Variants in OCA2 observed in about 807,000 individuals in gnomAD.
The protein encoded by OCA2 is P protein.
OCA2 carries 77 observed loss-of-function variants against 100.2 expected under a neutral mutation model. That is an observed-to-expected ratio of 0.77 (90% CI 0.64 to 0.93). The LOEUF (loss-of-function observed/expected upper bound fraction) is 0.93, where lower values mean the gene tolerates loss of function less well. Ranked by LOEUF, OCA2 falls within the 40% of genes least tolerant of loss-of-function variation. The pLI is 0.00. For missense variants in OCA2, 1,062 were observed against 1,089.1 expected, an observed-to-expected ratio of 0.98 and a Z score of 0.35; for synonymous variants, 432 against 439.2, an observed-to-expected ratio of 0.98 and a Z score of 0.21.
intron 2 of OCA2, among the ~76,000 whole-genome samples, chr15:28,075,314 A>AC (rs2044396735): frequency 6.6e-6 from 1 of 152,226 alleles, no homozygotes; most frequent in African/African-American, 2.4e-5. Context: ...TGAATCACAA[A>AC]CCCCATAATA....
intron 23 of OCA2, among the ~76,000 whole-genome samples, chr15:27,795,949 G>C (rs970231117): frequency 2.6e-5 from 4 of 152,172 alleles, no homozygotes; most frequent in African/African-American, 9.7e-5. Flanking sequence ...ACTTGAATTT[G>C]CCTATTTAAG....
intron 23 of OCA2, among the ~76,000 whole-genome samples, chr15:27,844,578 C>T (rs2035463022): frequency 6.6e-6 from 1 of 152,072 alleles, no homozygotes; most frequent in South Asian, 2.1e-4. Context: ...GGTGCAATCT[C>T]AGCTCCACCT....
chr15:27,735,951 A>G, the OCA2 span, among the ~76,000 whole-genome samples: 1 of 152,206 alleles, frequency 6.6e-6, no homozygotes, highest in African/African-American at 2.4e-5. Flanking sequence ...CTGAAAGTAT[A>G]AAACTCACTG....
intron 1 of OCA2, among the ~76,000 whole-genome samples, chr15:28,087,515 G>A (rs1049082448): frequency 1.3e-5 from 2 of 152,268 alleles, no homozygotes; most frequent in East Asian, 3.9e-4. Context: ...GGAAGCCAAG[G>A]CAGGCAGATT....
intron 21 of OCA2, among the ~76,000 whole-genome samples, chr15:27,855,771 T>C (rs2035926066): frequency 6.6e-6 from 1 of 152,212 alleles, no homozygotes; most frequent in African/African-American, 2.4e-5. Context: ...CTCATAGAGC[T>C]TGCTTTACAG....
At chr15:28,019,541 CTG>C (rs2141270988) in intron 6 of OCA2, among the ~76,000 whole-genome samples, 1 of 152,270 alleles carries the variant, frequency 6.6e-6, no homozygotes, top group African/African-American at 2.4e-5. Flanking sequence ...GCGGGAGACA[CTG>C]AGGTTCCGAA....
At chr15:27,933,164 A>G (rs2140430683) in intron 18 of OCA2, among the ~76,000 whole-genome samples, 1 of 152,344 alleles carries the variant, frequency 6.6e-6, no homozygotes, top group African/African-American at 2.4e-5. Context: ...CACCATATAC[A>G]GAAACTAATT....
chr15:27,829,612 A>C (rs1409857225), intron 23 of OCA2, among the ~76,000 whole-genome samples: 2 of 152,168 alleles, frequency 1.3e-5, no homozygotes, highest in African/African-American at 4.8e-5. Context: ...GTAGGATGGG[A>C]GGTGTGAGCT....
intron 9 of OCA2, among the ~76,000 whole-genome samples, chr15:28,007,570 G>T (rs1262035494): frequency 6.6e-6 from 1 of 151,850 alleles, no homozygotes; most frequent in East Asian, 1.9e-4. Context: ...CTCTACTAAA[G>T]ATACAAAAAA....
chr15:27,799,911 AGAG>A (rs2033522680), intron 23 of OCA2, among the ~76,000 whole-genome samples: 1 of 152,166 alleles, frequency 6.6e-6, no homozygotes, highest in South Asian at 2.1e-4. Flanking sequence ...GGAGTGATGA[AGAG>A]GAGAATTATA....
intron 19 of OCA2, among the ~76,000 whole-genome samples, chr15:27,920,960 G>C (rs950928627): frequency 6.6e-6 from 1 of 151,964 alleles, no homozygotes; most frequent in Non-Finnish European, 1.5e-5. Context: ...AAACCAACAT[G>C]TCTGTAATAG....
At chr15:28,095,446 G>C (rs1203838339) in intron 1 of OCA2, among the ~76,000 whole-genome samples, 1 of 152,244 alleles carries the variant, frequency 6.6e-6, no homozygotes, top group Non-Finnish European at 1.5e-5. Context: ...GCCGGGCGCG[G>C]TGGCTCACAC....
chr15:27,827,805 T>C (rs936847836), intron 23 of OCA2, among the ~76,000 whole-genome samples: 6 of 152,164 alleles, frequency 3.9e-5, no homozygotes, highest in African/African-American at 1.4e-4. Context: ...GAAAGTAAAT[T>C]ATCTTTAAAA....
chr15:27,986,281 T>C (rs2041349190), intron 12 of OCA2, among the ~76,000 whole-genome samples: 1 of 152,232 alleles, frequency 6.6e-6, no homozygotes, highest in Non-Finnish European at 1.5e-5. Context: ...TGGGATACTC[T>C]AATATGTAAA....
At chr15:27,989,008 C>A (rs999662985) in intron 11 of OCA2, among the ~76,000 whole-genome samples, 2 of 152,180 alleles carry the variant, frequency 1.3e-5, no homozygotes, top group African/African-American at 4.8e-5. Flanking sequence ...AGCCCTCCTG[C>A]AGACCACTGG....
intron 19 of OCA2, among the ~76,000 whole-genome samples, chr15:27,887,618 T>TTC (rs1491145295): frequency 2.4e-5 from 1 of 41,572 alleles, no homozygotes; most frequent in African/African-American, 5.4e-5. Context: ...ACTAAACCTC[T>TTC]TTTTTTTTTT....
chr15:28,037,715 ATAT>A (rs2043084684), intron 2 of OCA2, among the ~76,000 whole-genome samples: 2 of 152,172 alleles, frequency 1.3e-5, no homozygotes, highest in Admixed American at 6.5e-5. Flanking sequence ...AAGGTAGATA[ATAT>A]TATCCTCATT....
At chr15:27,996,170 A>C (rs1255013247) in intron 9 of OCA2, among the ~76,000 whole-genome samples, 1 of 152,190 alleles carries the variant, frequency 6.6e-6, no homozygotes, top group Non-Finnish European at 1.5e-5. Flanking sequence ...ATCAGAAAGT[A>C]TCTTGAGACA....
intron 1 of OCA2, among the ~76,000 whole-genome samples, chr15:28,089,400 T>C (rs1733491041): frequency 6.6e-6 from 1 of 152,204 alleles, no homozygotes; most frequent in South Asian, 2.1e-4. Flanking sequence ...ATCTTCACAA[T>C]TTATGTAAAG....
Sources: allele counts gnomAD v4.1 joint callset (sites outside exome capture counted in the v4.1 genomes callset), GRCh38; gene constraint gnomAD v4.1.1; transcripts MANE v1.5; gene names NCBI Gene and HGNC (gene_info 2026-07-23, HGNC 2026-07-21).